The following SERTAD4 variants were observed in gnomAD, a reference collection of about 807,000 sequenced individuals.
SERTAD4 encodes the protein SERTA domain containing 4.
A neutral mutation model predicts 32.9 loss-of-function variants in SERTAD4; 18 were observed. That is an observed-to-expected ratio of 0.55 (90% CI 0.38 to 0.81). The LOEUF (loss-of-function observed/expected upper bound fraction) is 0.81. Ranked by LOEUF, SERTAD4 falls within the 30% of genes least tolerant of loss-of-function variation. The pLI, the probability that SERTAD4 is intolerant of heterozygous loss-of-function variation, is 0.00. For synonymous variants in SERTAD4, 150 were observed against 156.4 expected, an observed-to-expected ratio of 0.96 and a Z score of 0.30; for missense variants, 383 against 426.0, an observed-to-expected ratio of 0.90 and a Z score of 0.89.
intron 1 of SERTAD4, among the ~76,000 whole-genome samples, chr1:210,234,270 C>G (rs1008413522): frequency 6.6e-6 from 1 of 151,880 alleles, no homozygotes; most frequent in East Asian, 2.0e-4. Context: ...CCCTCCAAAC[C>G]TCGGACCCCA....
rs201550045 is a variant in SERTAD4, at chr1:210,238,127, C to A, written c.167C>A (p.Pro56Gln). 5.2e-5 allele frequency: 83 copies of A among 1,605,072 alleles called. No homozygotes were observed. The Admixed American group carries it at 1.4e-3, about 26-fold the overall frequency. Residue 56 changes from proline to glutamine, a missense_variant, in exon 2 of 4, where the codon CCA becomes CAA. Pro to Gln is a moderately conservative substitution (Grantham distance 76, BLOSUM62 -1). Transcript: ENST00000367012. ...CAGGGAGACCGGGGAGCTGGTCCCC[C>A]ACTGGCAGGTATTGCCCTTGACCTG... ...PLQGDRGAGP[P>Q]LAGSHYRGIS...
rs558918451 is a variant in SERTAD4, at chr1:210,237,891, C to T, written c.-17-53C>T. On this transcript the variant is annotated intron_variant, in intron 1 of 3. Coordinates refer to ENST00000367012, the MANE Select transcript of SERTAD4 (RefSeq NM_019605.5). ...GATGCCAAGGCCGTCCCTTGGCTTG[C>T]TCTTGATTAGGGCTGTTTTCTTCAT... 186 of 1,469,726 alleles carry T rather than the reference C, an allele frequency of 1.3e-4. 1 individual carries two copies. The Admixed American group carries it at 2.1e-3, about 16-fold the overall frequency. The allele number at this position is 1,469,726 out of a possible 1,614,324, so 91.0% of individuals were successfully genotyped here.
At position 210,244,601 on chromosome 1, in the gene SERTAD4, G is replaced by A. The variant is rs1426161375; in HGVS notation, c.*2264G>A. The A allele has an allele frequency of 1.3e-5, 2 of 152,090 alleles. No individual in the cohort carries two copies. Among genetic ancestry groups the A allele is most frequent in the Non-Finnish European group, 2.9e-5 (2 of 68,014 alleles). The allele number at this position is 152,090 out of a possible 1,614,324, so 9.4% of individuals were successfully genotyped here. Reference sequence around the variant, plus strand: ...AAAACTAATTAATTTGTCAAATGTAGCATTCTTATTATGAGTGTAATATCT... The same window carrying A: ...AAAACTAATTAATTTGTCAAATGTAACATTCTTATTATGAGTGTAATATCT... On this transcript the variant is annotated 3_prime_UTR_variant, in exon 4 of 4. Transcript: ENST00000367012.
At chr1:210,233,214 A>C (rs907808106) in intron 1 of SERTAD4, among the ~76,000 whole-genome samples, 1 of 151,944 alleles carries the variant, frequency 6.6e-6, no homozygotes, top group African/African-American at 2.4e-5. Context: ...GCCAAGGCAC[A>C]GCTGGGCGCG....
chr1:210,239,286 A>G (rs2083972219), intron 2 of SERTAD4, among the ~76,000 whole-genome samples: 3 of 152,242 alleles, frequency 2.0e-5, no homozygotes. Flanking sequence ...ATTTTCCTCT[A>G]TAATTGCCTA....
At chr1:210,236,836 C>T (rs1190341514) in intron 1 of SERTAD4, among the ~76,000 whole-genome samples, 1 of 152,204 alleles carries the variant, frequency 6.6e-6, no homozygotes, top group Non-Finnish European at 1.5e-5. Context: ...GCTACTGTCA[C>T]CACTGGTCTA....
At position 210,242,875 on chromosome 1, in the gene SERTAD4, A is replaced by G. The variant is rs577095535; in HGVS notation, c.*538A>G. 764 of 986,038 alleles carry G rather than the reference A, an allele frequency of 7.7e-4. 3 individuals carry two copies. The highest frequency in any genetic ancestry group is 9.0e-4 in the Non-Finnish European group (751 of 830,228). 61.1% of individuals were successfully genotyped at this position (986,038 alleles called of 1,614,324 possible). ...GTCTTGTGTGACAGATGAAAATAGG[A>G]TGTAACATAATGAAACACACCTGTC... On this transcript the variant is annotated 3_prime_UTR_variant, in exon 4 of 4. Coordinates refer to ENST00000367012, the MANE Select transcript of SERTAD4 (RefSeq NM_019605.5). This position sits in a 1 kb window ranked among gnomAD's most constrained non-coding sequence, Gnocchi z 4.0.
In SERTAD4 at chr1:210,242,532, G is replaced by A; in HGVS notation, c.*195G>A. 7.6e-7 allele frequency: 1 copy of A among 1,321,444 alleles called. No homozygotes were observed. Among genetic ancestry groups the A allele is most frequent in the East Asian group, 2.9e-5 (1 of 34,894 alleles). 81.9% of individuals were successfully genotyped at this position (1,321,444 alleles called of 1,614,324 possible). On this transcript the variant is annotated 3_prime_UTR_variant, in exon 4 of 4. Coordinates refer to ENST00000367012, the MANE Select transcript of SERTAD4 (RefSeq NM_019605.5). This position sits in a 1 kb window ranked among gnomAD's most constrained non-coding sequence, Gnocchi z 4.0. Reference sequence around the variant, plus strand: ...GCATCAGCGAGCTTCTTATAAATGTGGTGATTTTTACCAAGGAAACGATTG... The same window carrying A: ...GCATCAGCGAGCTTCTTATAAATGTAGTGATTTTTACCAAGGAAACGATTG...
At chr1:210,236,989 C>T (rs144103764) in intron 1 of SERTAD4, among the ~76,000 whole-genome samples, 59 of 152,300 alleles carry the variant, frequency 3.9e-4, no homozygotes, top group African/African-American at 1.4e-3. Flanking sequence ...TATCGAGGGG[C>T]CCAGGAAGCC....
intron 1 of SERTAD4, 122 bp from the exon 2 acceptor site, chr1:210,237,822 G>T: frequency 1.0e-5 from 7 of 685,936 alleles, no homozygotes; most frequent in Non-Finnish European, 1.5e-5. Flanking sequence ...TCAGGGTAAA[G>T]GGGAGGGCCG....
At chr1:210,234,572 T>G (rs1036367519) in intron 1 of SERTAD4, among the ~76,000 whole-genome samples, 2 of 152,178 alleles carry the variant, frequency 1.3e-5, no homozygotes, top group Non-Finnish European at 2.9e-5. Flanking sequence ...TTGAGATCAT[T>G]TTGGGACAAT....
At chr1:210,233,877 C>G in intron 1 of SERTAD4, 1 of 462,854 alleles carries the variant, frequency 2.2e-6, no homozygotes, top group South Asian at 1.6e-5. Context: ...CTGCTGCGGG[C>G]TGGAGCGCGG....
chr1:210,236,523 G>A (rs75746163), intron 1 of SERTAD4, among the ~76,000 whole-genome samples: 2,301 of 152,302 alleles, frequency 0.015, 44 homozygotes, highest in African/African-American at 0.052. Flanking sequence ...TCACTTTAAT[G>A]ATGCTATTTC....
Position 210,243,360 on chromosome 1 carries a change from G to T in SERTAD4, c.*1023G>T, listed in dbSNP as rs1365939908. ...TCTGGGTTTTGGGTTGTTTTGTTTT[G>T]TTTTCTTGTCCAATGAAGTTCACGA... is the stretch of plus-strand genomic sequence containing the variant. On this transcript the variant is annotated 3_prime_UTR_variant, in exon 4 of 4. Coordinates refer to ENST00000367012, the MANE Select transcript of SERTAD4 (RefSeq NM_019605.5). The T allele has an allele frequency of 6.4e-6, 1 of 157,110 alleles. No homozygotes were observed. Among genetic ancestry groups the T allele is most frequent in the African/African-American group, 2.4e-5 (1 of 41,458 alleles). The allele number at this position is 157,110 out of a possible 1,614,324, so 9.7% of individuals were successfully genotyped here.
chr1:210,240,938 TG>T (rs1376001581), intron 3 of SERTAD4, among the ~76,000 whole-genome samples: 3 of 152,262 alleles, frequency 2.0e-5, no homozygotes, highest in Non-Finnish European at 4.4e-5. Flanking sequence ...ATATTCATTA[TG>T]ACTTGCATTT....
At chr1:210,239,021 AT>A (rs1275437376) in intron 2 of SERTAD4, among the ~76,000 whole-genome samples, 26 of 152,300 alleles carry the variant, frequency 1.7e-4, no homozygotes, top group African/African-American at 6.3e-4. Flanking sequence ...GAATGCTATA[AT>A]CCCAATGTGC....
At chr1:210,233,948 T>G (rs1195799624) in intron 1 of SERTAD4, 29 of 417,106 alleles carry the variant, frequency 7.0e-5, no homozygotes, top group Non-Finnish European at 4.8e-6. Context: ...CTTGGAATCC[T>G]ACCTTTGGTG....
In SERTAD4 at chr1:210,242,153, C is replaced by T; in HGVS notation, c.887C>T (p.Pro296Leu). 6.2e-7 allele frequency: 1 copy of T among 1,614,118 alleles called. No homozygotes were observed. The highest frequency in any genetic ancestry group is 8.5e-7 in the Non-Finnish European group (1 of 1,180,028). The change falls in exon 4 of 4, where the codon CCC becomes CTC. Residue 296 changes from proline (P) to leucine (L), a missense_variant. Pro to Leu is a moderately conservative substitution (Grantham distance 98). Around this residue, in one of 3 missense-constraint regions of SERTAD4, gnomAD observed 180 missense variants for 190.6 expected, o/e 0.94. Transcript: ENST00000367012. This position sits in a 1 kb window ranked among gnomAD's most constrained non-coding sequence, Gnocchi z 4.0. ...GATGACACCAACAGAGATGGTGGCCCCCTCAGCCACGAACCTGTGGGAAAT... is the reference window on the plus strand; with the variant it reads ...GATGACACCAACAGAGATGGTGGCCTCCTCAGCCACGAACCTGTGGGAAAT... Reference protein sequence around the residue: ...ANDDTNRDGGPLSHEPVGNDL... With the variant: ...ANDDTNRDGGLLSHEPVGNDL...
Position 210,242,483 on chromosome 1 carries a change from T to C in SERTAD4, c.*146T>C. On this transcript the variant is annotated 3_prime_UTR_variant, in exon 4 of 4. Transcript: ENST00000367012. This position sits in a 1 kb window ranked among gnomAD's most constrained non-coding sequence, Gnocchi z 4.0. ...GTCGTTTTAATGCCTGGAGAGCAGATTGCGTAAAACATCTGTATAGCAGGC... is the reference window on the plus strand; with the variant it reads ...GTCGTTTTAATGCCTGGAGAGCAGACTGCGTAAAACATCTGTATAGCAGGC... 1 of 1,427,116 alleles carries C rather than the reference T, an allele frequency of 7.0e-7. No individual in the cohort carries two copies. The highest frequency in any genetic ancestry group is 1.6e-5 in the South Asian group (1 of 61,786). 88.4% of individuals were successfully genotyped at this position (1,427,116 alleles called of 1,614,324 possible).
Sources: allele counts gnomAD v4.1 joint callset (sites outside exome capture counted in the v4.1 genomes callset), GRCh38; gene constraint gnomAD v4.1.1; regional missense constraint gnomAD v4.1.1; non-coding constraint Gnocchi (gnomAD v3.1); transcripts MANE v1.5; gene names NCBI Gene and HGNC (gene_info 2026-07-23, HGNC 2026-07-21).